VAV2: variants seen among roughly 807,000 people sequenced by gnomAD.
The protein encoded by VAV2 is vav guanine nucleotide exchange factor 2.
A neutral mutation model predicts 132.5 loss-of-function variants in VAV2; 67 were observed. The observed-to-expected ratio is 0.51, with a 90% confidence interval of 0.42 to 0.62. VAV2 has a LOEUF of 0.62. Ranked by LOEUF, VAV2 falls within the 20% of genes least tolerant of loss-of-function variation. The pLI is 0.00. For synonymous variants in VAV2, 492 were observed against 443.5 expected (o/e 1.11, Z -1.37); for missense variants, 938 against 1,153.6 (o/e 0.81, Z 2.71).
At chr9:133,799,047 C>A (rs1043823838) in intron 9 of VAV2, among the ~76,000 whole-genome samples, 4 of 152,210 alleles carry the variant, frequency 2.6e-5, no homozygotes, top group African/African-American at 4.8e-5. Flanking sequence ...GGGCTCGGGG[C>A]GGGCAGCTGG....
Position 133,863,063 on chromosome 9 carries a change from T to C in VAV2, c.322-1631A>G. On this transcript the variant is annotated intron_variant, in intron 2 of 29. Coordinates refer to ENST00000371850, the MANE Select transcript of VAV2 (RefSeq NM_001134398.2). The surrounding 1 kb of genome is among the most constrained non-coding windows in gnomAD (Gnocchi z 5.0). ...TGCGGCCAGCCCAGCCGCACTCCCA[T>C]GCTGATGCTACAAGGGGCCTTTCAC... Among the ~76,000 whole-genome samples the C allele has an allele frequency of 6.6e-6, 1 of 152,176 alleles. No homozygotes were observed. The highest frequency in any genetic ancestry group is 1.5e-5 in the Non-Finnish European group (1 of 68,032).
rs976442702 is a variant in VAV2, at chr9:133,826,665, C to T, written c.449+7607G>A. ...CCTCCCCCAGCCACCTAGGATGAAG[C>T]GGTGGCTAAATAAAGCTTGGTCTCA... On this transcript the variant is annotated intron_variant, in intron 4 of 29. Transcript: ENST00000371850. This position sits in a 1 kb window ranked among gnomAD's most constrained non-coding sequence, Gnocchi z 4.2. 3.3e-5 allele frequency among the ~76,000 whole-genome samples: 5 copies of T among 152,212 alleles called. No individual in the cohort carries two copies. Among genetic ancestry groups the T allele is most frequent in the African/African-American group, 4.8e-5 (2 of 41,454 alleles).
intron 2 of VAV2, among the ~76,000 whole-genome samples, chr9:133,938,278 G>A (rs374373293): frequency 5.9e-5 from 9 of 152,142 alleles, no homozygotes; most frequent in Non-Finnish European, 1.2e-4. Context: ...GGGCCTCCTC[G>A]GCCACCGTCA....
intron 2 of VAV2, among the ~76,000 whole-genome samples, chr9:133,891,305 G>T (rs547444040): frequency 9.4e-4 from 100 of 106,880 alleles, no homozygotes; most frequent in Non-Finnish European, 1.7e-3. Flanking sequence ...GAAGGGATGG[G>T]GGATGGAGGG....
At chr9:133,945,521 G>A (rs1050481692) in intron 1 of VAV2, among the ~76,000 whole-genome samples, 1 of 152,236 alleles carries the variant, frequency 6.6e-6, no homozygotes, top group South Asian at 2.1e-4. Flanking sequence ...GGTGACCCGC[G>A]ATCTGAACCC....
chr9:133,954,309 C>T (rs1165148091), intron 1 of VAV2, among the ~76,000 whole-genome samples: 2 of 152,246 alleles, frequency 1.3e-5, no homozygotes, highest in Non-Finnish European at 2.9e-5. Context: ...GCCTGCGGCC[C>T]TGCATGCATG....
At chr9:133,844,486 G>A (rs1289188565) in intron 3 of VAV2, among the ~76,000 whole-genome samples, 2 of 152,240 alleles carry the variant, frequency 1.3e-5, no homozygotes, top group African/African-American at 2.4e-5. Flanking sequence ...GGGGCGTTGC[G>A]GCCCACAGGC....
chr9:133,904,474 G>A (rs1564452648), intron 2 of VAV2, among the ~76,000 whole-genome samples: 1 of 152,230 alleles, frequency 6.6e-6, no homozygotes, highest in Non-Finnish European at 1.5e-5. Context: ...CGACCACGTG[G>A]AATTCGATGA....
At chr9:133,836,640 C>T (rs1476808292) in intron 3 of VAV2, among the ~76,000 whole-genome samples, 3 of 152,204 alleles carry the variant, frequency 2.0e-5, no homozygotes, top group African/African-American at 7.2e-5. Flanking sequence ...TACCAAACTC[C>T]TGAGGTTGTG....
In VAV2 at chr9:133,929,446, G is replaced by T. The variant is rs186628914; in HGVS notation, c.321+9657C>A. Reference sequence around the variant, plus strand: ...TGTGCTGACAGGTGGGAGGTGCCAGGATGGATTCGAGGTGCCTGCCCTGGC... The same window carrying T: ...TGTGCTGACAGGTGGGAGGTGCCAGTATGGATTCGAGGTGCCTGCCCTGGC... On this transcript the variant is annotated intron_variant, in intron 2 of 29. Transcript: ENST00000371850. Among the ~76,000 whole-genome samples, 430 of 152,262 alleles carry T rather than the reference G, an allele frequency of 2.8e-3. 5 individuals carry two copies. Among genetic ancestry groups the T allele is most frequent in the African/African-American group, 9.9e-3 (411 of 41,534 alleles).
At chr9:133,845,036 T>A (rs1032010787) in intron 3 of VAV2, among the ~76,000 whole-genome samples, 1 of 152,368 alleles carries the variant, frequency 6.6e-6, no homozygotes, top group East Asian at 1.9e-4. Flanking sequence ...GCAGTTTCCT[T>A]CCCTGGGCCA....
chr9:133,880,770 A>G (rs1000524789), intron 2 of VAV2, among the ~76,000 whole-genome samples: 1 of 152,250 alleles, frequency 6.6e-6, no homozygotes, highest in African/African-American at 2.4e-5. Context: ...CTTCTTTTGC[A>G]CTAGCTTCTC....
At position 133,863,397 on chromosome 9, in the gene VAV2, C is replaced by T. The variant is rs1297180415; in HGVS notation, c.322-1965G>A. 2.6e-5 allele frequency among the ~76,000 whole-genome samples: 4 copies of T among 152,150 alleles called. No individual in the cohort carries two copies. The highest frequency in any genetic ancestry group is 4.8e-5 in the African/African-American group (2 of 41,416). On this transcript the variant is annotated intron_variant, in intron 2 of 29. Transcript: ENST00000371850. The surrounding 1 kb of genome is among the most constrained non-coding windows in gnomAD (Gnocchi z 5.0). ...AACCTGTTTGTCAACCTGGAGTCAG[C>T]GCAAAGGCCCCAGGTCGGGTCGTAC... is the stretch of plus-strand genomic sequence containing the variant.
chr9:133,771,657 G>A (rs942316072), intron 26 of VAV2, among the ~76,000 whole-genome samples: 4 of 152,132 alleles, frequency 2.6e-5, no homozygotes, highest in South Asian at 4.1e-4. Context: ...TTCTGCTCTC[G>A]CAGGAGGATG....
chr9:133,835,898 A>G (rs1183369678), intron 3 of VAV2, among the ~76,000 whole-genome samples: 1 of 152,176 alleles, frequency 6.6e-6, no homozygotes, highest in Non-Finnish European at 1.5e-5. Context: ...CCCGTGTCCA[A>G]GGGCGCAGCA....
At chr9:133,867,132 G>A (rs1837837454) in intron 2 of VAV2, among the ~76,000 whole-genome samples, 1 of 152,138 alleles carries the variant, frequency 6.6e-6, no homozygotes, top group African/African-American at 2.4e-5. Flanking sequence ...CACGGCCATG[G>A]GTCTGCTGAG....
intron 4 of VAV2, among the ~76,000 whole-genome samples, chr9:133,827,260 A>G (rs3003582): frequency 0.42 from 7,585 of 18,114 alleles, 1,973 homozygotes; most frequent in East Asian, 0.7. Context: ...CGGGGGCATC[A>G]CCACCTACCG....
rs568656447 is a variant in VAV2 at position 133,788,766 on chromosome 9, C to A, written c.1275-280G>T. Among the ~76,000 whole-genome samples the A allele has an allele frequency of 2.6e-5, 4 of 152,270 alleles. No homozygotes were observed. The highest frequency in any genetic ancestry group is 9.6e-5 in the African/African-American group (4 of 41,564). On this transcript the variant is annotated intron_variant, in intron 14 of 29. Transcript: ENST00000371850. This position sits in a 1 kb window ranked among gnomAD's most constrained non-coding sequence, Gnocchi z 5.3. ...GCATCCCCCACGCTGGCCTCCCATG[C>A]AGCACTGACCCCCGACGGCTACTCC...
At chr9:133,903,780 C>T (rs1839535995) in intron 2 of VAV2, among the ~76,000 whole-genome samples, 1 of 152,152 alleles carries the variant, frequency 6.6e-6, no homozygotes, top group Non-Finnish European at 1.5e-5. Flanking sequence ...AAAGGGGTCC[C>T]TGGAGGGCAG....
Sources: allele counts gnomAD v4.1 joint callset (sites outside exome capture counted in the v4.1 genomes callset), GRCh38; gene constraint gnomAD v4.1.1; non-coding constraint Gnocchi (gnomAD v3.1); transcripts MANE v1.5; gene names NCBI Gene and HGNC (gene_info 2026-07-23, HGNC 2026-07-21).